Variants in TBX20 observed in about 807,000 individuals in gnomAD.
TBX20 encodes the protein T-box transcription factor 20.
TBX20 carries 8 observed loss-of-function variants against 42.9 expected under a neutral mutation model. The ratio of observed to expected loss-of-function variants is 0.19; its 90% CI spans 0.11 to 0.34. The LOEUF is 0.34. TBX20 is among the 10% of genes least tolerant of loss of function. The probability of loss-of-function intolerance (pLI) is 1.00; values close to 1 mark genes in which losing one functional copy is unlikely to be tolerated. For synonymous variants in TBX20, 198 were observed against 222.8 expected (o/e 0.89, Z 0.99); for missense variants, 411 against 566.0 (o/e 0.73, Z 2.78).
intron 6 of TBX20, among the ~76,000 whole-genome samples, chr7:35,210,534 A>G (rs1309745464): frequency 1.3e-5 from 2 of 152,182 alleles, no homozygotes; most frequent in African/African-American, 4.8e-5. Context: ...TAAGAAAGGG[A>G]TATTAAAATT....
chr7:35,243,274 C>T (rs531390061), intron 4 of TBX20, among the ~76,000 whole-genome samples: 25 of 152,282 alleles, frequency 1.6e-4, no homozygotes, highest in African/African-American at 5.1e-4. Context: ...TGTGAGCCAC[C>T]GTGCCTGGCC....
chr7:35,251,132 C>T (rs1790297592), intron 1 of TBX20, among the ~76,000 whole-genome samples: 1 of 152,200 alleles, frequency 6.6e-6, no homozygotes, highest in Admixed American at 6.5e-5. Flanking sequence ...GGGACTACAC[C>T]AGTCACTTTG....
intron 6 of TBX20, among the ~76,000 whole-genome samples, chr7:35,208,639 T>C (rs1408142250): frequency 6.7e-6 from 1 of 150,090 alleles, no homozygotes; most frequent in Non-Finnish European, 1.5e-5. Context: ...CTACTCGGGA[T>C]GCTGAGGCAG....
intron 6 of TBX20, among the ~76,000 whole-genome samples, chr7:35,228,445 C>T (rs1789813433): frequency 6.6e-6 from 1 of 152,050 alleles, no homozygotes; most frequent in African/African-American, 2.4e-5. Flanking sequence ...CAGAGGTCAT[C>T]TCTAAGGAAA....
At position 35,253,853 on chromosome 7, in the gene TBX20, GC is replaced by G. The variant is rs1039311859; in HGVS notation, c.-234del. ...TTCGAAGGCAGCCGGAGAGGAGAGG[GC>G]CCACCGAGCACTACGGCGGGTGCGC... On this transcript the variant is annotated 5_prime_UTR_variant, in exon 1 of 8. It removes the in-frame stop codon of an upstream open reading frame in the 5' UTR. Coordinates refer to ENST00000408931, the MANE Select transcript of TBX20 (RefSeq NM_001077653.2). 6 of 554,498 alleles carry G rather than the reference GC, an allele frequency of 1.1e-5. No homozygotes were observed. The highest frequency in any genetic ancestry group is 1.9e-5 in the Non-Finnish European group (6 of 316,848). 34.3% of individuals were successfully genotyped at this position (554,498 alleles called of 1,614,324 possible). A position where few individuals can be genotyped will look rare whatever the true frequency, so the allele number is the denominator to read the frequency against.
At position 35,205,964 on chromosome 7, in the gene TBX20, A is replaced by C. The variant is rs186913022; in HGVS notation, c.891-1382T>G. Among the ~76,000 whole-genome samples the C allele has an allele frequency of 3.7e-3, 562 of 152,356 alleles. 2 individuals are homozygous for C. The highest frequency in any genetic ancestry group is 6.8e-3 in the Middle Eastern group (2 of 294). ...AATTTTCAAGATATAGTAAGTGAAA[A>C]AAGTAAAATACAGAATGTTATGTAA... On this transcript the variant is annotated intron_variant, in intron 6 of 7. Transcript: ENST00000408931.
intron 5 of TBX20, among the ~76,000 whole-genome samples, chr7:35,237,855 G>A (rs1013893491): frequency 1.5e-5 from 2 of 133,778 alleles, no homozygotes; most frequent in Non-Finnish European, 3.4e-5. Flanking sequence ...GGTGTGAGCA[G>A]CACATTTGTT....
chr7:35,236,342 C>A (rs1789964873), intron 5 of TBX20, among the ~76,000 whole-genome samples: 2 of 151,400 alleles, frequency 1.3e-5, no homozygotes, highest in African/African-American at 4.8e-5. Flanking sequence ...TGAAAAAATT[C>A]TAATACTATA....
chr7:35,221,964 A>T (rs1247792566), intron 6 of TBX20, among the ~76,000 whole-genome samples: 1 of 152,208 alleles, frequency 6.6e-6, no homozygotes, highest in Non-Finnish European at 1.5e-5. Context: ...CTGAGGGAGG[A>T]GTAGTATCCT....
intron 6 of TBX20, among the ~76,000 whole-genome samples, chr7:35,217,757 G>A (rs1438017337): frequency 1.3e-5 from 2 of 151,632 alleles, no homozygotes; most frequent in Non-Finnish European, 2.9e-5. Flanking sequence ...TTTTGTTCTT[G>A]TTGCCCAGGC....
chr7:35,225,644 T>C (rs1476582781), intron 6 of TBX20, among the ~76,000 whole-genome samples: 5 of 152,230 alleles, frequency 3.3e-5, no homozygotes, highest in African/African-American at 1.2e-4. Flanking sequence ...ACAAACATAT[T>C]ACATATTCAT....
chr7:35,231,824 G>A (rs971162483), intron 5 of TBX20, among the ~76,000 whole-genome samples: 7 of 152,146 alleles, frequency 4.6e-5, no homozygotes, highest in African/African-American at 1.7e-4. Flanking sequence ...GATACAATTA[G>A]GGAAGGGAGC....
intron 7 of TBX20, 67 bp from the exon 8 acceptor site, chr7:35,202,837 C>A: frequency 6.6e-7 from 1 of 1,523,184 alleles, no homozygotes. Flanking sequence ...ATTAAATTAT[C>A]TGTAAAGATC....
chr7:35,230,994 G>A (rs1014855723), intron 6 of TBX20, among the ~76,000 whole-genome samples: 1 of 152,156 alleles, frequency 6.6e-6, no homozygotes, highest in African/African-American at 2.4e-5. Context: ...TGTCTTCTTA[G>A]AGGTCCTGAG....
chr7:35,230,264 AC>A (rs1212020774), intron 6 of TBX20, among the ~76,000 whole-genome samples: 2 of 152,150 alleles, frequency 1.3e-5, no homozygotes, highest in African/African-American at 4.8e-5. Flanking sequence ...TACTGCTGGT[AC>A]CACATTCTCA....
At chr7:35,251,494 C>A (rs1229943191) in intron 1 of TBX20, among the ~76,000 whole-genome samples, 1 of 152,058 alleles carries the variant, frequency 6.6e-6, no homozygotes, top group Non-Finnish European at 1.5e-5. Context: ...GAAACCATAC[C>A]ATAACAAAAT....
At chr7:35,242,648 C>T (rs1790105604) in intron 4 of TBX20, among the ~76,000 whole-genome samples, 1 of 152,144 alleles carries the variant, frequency 6.6e-6, no homozygotes. Flanking sequence ...ACTTCTACCA[C>T]CTGAAGGTTA....
chr7:35,222,429 C>T (rs1277922297), intron 6 of TBX20, among the ~76,000 whole-genome samples: 6 of 152,074 alleles, frequency 3.9e-5, no homozygotes, highest in African/African-American at 1.4e-4. Flanking sequence ...AGAAGCACCA[C>T]CAAACATATC....
chr7:35,248,843 T>G lies in TBX20; in HGVS notation c.381-2A>C. 6.2e-7 allele frequency: 1 copy of G among 1,614,062 alleles called. No individual in the cohort carries two copies. Among genetic ancestry groups the G allele is most frequent in the Non-Finnish European group, 8.5e-7 (1 of 1,180,006 alleles). On this transcript the variant is annotated splice_acceptor_variant, in intron 2 of 7. Coordinates refer to ENST00000408931, the MANE Select transcript of TBX20 (RefSeq NM_001077653.2). LOFTEE classifies it high-confidence loss of function. ...ACCCGGATGGTTGGAAACATCCTCC[T>G]GACAGAGAGAGAGAGAGAGAATGGG... is the stretch of plus-strand genomic sequence containing the variant.
Sources: allele counts gnomAD v4.1 joint callset (sites outside exome capture counted in the v4.1 genomes callset), GRCh38; gene constraint gnomAD v4.1.1; transcripts MANE v1.5; gene names NCBI Gene and HGNC (gene_info 2026-07-23, HGNC 2026-07-21).